The following MAD1L1 variants were observed in gnomAD, a reference collection of about 807,000 sequenced individuals.
MAD1L1 encodes mitotic arrest deficient 1 like 1.
Under a neutral mutation model 96.9 loss-of-function variants are expected in MAD1L1, and 95 were observed. The observed-to-expected ratio is 0.98, with a 90% CI of 0.83 to 1.16. MAD1L1 has a LOEUF of 1.16. Ranked by LOEUF, MAD1L1 falls within the 50% of genes most tolerant of loss-of-function variation. MAD1L1 has a pLI of 0.00. For synonymous variants in MAD1L1, 473 were observed against 396.6 expected (o/e 1.19, Z -2.29); for missense variants, 1,007 against 954.4 (o/e 1.06, Z -0.73).
At chr7:1,831,210 A>C (rs985315381) in intron 18 of MAD1L1, among the ~76,000 whole-genome samples, 1 of 152,162 alleles carries the variant, frequency 6.6e-6, no homozygotes, top group East Asian at 1.9e-4. Context: ...GATTCACTTC[A>C]TGTCTGTGTC....
intron 15 of MAD1L1, among the ~76,000 whole-genome samples, chr7:1,969,506 T>C (rs1780314351): frequency 6.6e-6 from 1 of 152,232 alleles, no homozygotes; most frequent in Admixed American, 6.5e-5. Context: ...GCTGCTTCTA[T>C]TCAACATAGC....
At chr7:2,187,884 T>C (rs918519925) in intron 10 of MAD1L1, among the ~76,000 whole-genome samples, 8 of 152,196 alleles carry the variant, frequency 5.3e-5, no homozygotes, top group African/African-American at 1.9e-4. Flanking sequence ...ACGTTATCAT[T>C]TGAAAGAATA....
chr7:1,997,052 C>T (rs1781591879), intron 14 of MAD1L1, among the ~76,000 whole-genome samples: 1 of 152,156 alleles, frequency 6.6e-6, no homozygotes, highest in South Asian at 2.1e-4. Flanking sequence ...GAAATCTCTC[C>T]TTGCGATATT....
chr7:2,213,576 G>T (rs922550184), intron 9 of MAD1L1, among the ~76,000 whole-genome samples: 1 of 152,206 alleles, frequency 6.6e-6, no homozygotes, highest in Admixed American at 6.5e-5. Flanking sequence ...GCCTCAGAAA[G>T]GATCCTGGGG....
At chr7:2,029,329 G>C (rs1783115545) in intron 12 of MAD1L1, among the ~76,000 whole-genome samples, 2 of 152,190 alleles carry the variant, frequency 1.3e-5, no homozygotes, top group Admixed American at 6.5e-5. Flanking sequence ...ATTACACGCT[G>C]CATGGCTCCA....
intron 10 of MAD1L1, among the ~76,000 whole-genome samples, chr7:2,160,846 A>C (rs1413872348): frequency 1.3e-5 from 2 of 152,222 alleles, no homozygotes; most frequent in Non-Finnish European, 2.9e-5. Flanking sequence ...CTGTTCAATA[A>C]GTAATTTTCA....
chr7:1,965,300 A>G (rs1780116871), intron 15 of MAD1L1, among the ~76,000 whole-genome samples: 2 of 152,168 alleles, frequency 1.3e-5, no homozygotes, highest in South Asian at 2.1e-4. Flanking sequence ...CTTGTTTGTC[A>G]TAAAGAGAGC....
chr7:2,043,247 C>T (rs1256568576), intron 12 of MAD1L1, among the ~76,000 whole-genome samples: 2 of 152,178 alleles, frequency 1.3e-5, no homozygotes, highest in Non-Finnish European at 2.9e-5. Flanking sequence ...CCTGTCCCAT[C>T]GGAGGGGCAC....
intron 11 of MAD1L1, among the ~76,000 whole-genome samples, chr7:2,080,941 A>G (rs752082664): frequency 3.0e-4 from 45 of 152,200 alleles, no homozygotes; most frequent in Admixed American, 9.8e-4. Context: ...ACTTTGTGAC[A>G]TTATATCTTG....
At chr7:1,883,556 AG>A (rs1785819693) in intron 18 of MAD1L1, among the ~76,000 whole-genome samples, 1 of 152,180 alleles carries the variant, frequency 6.6e-6, no homozygotes, top group African/African-American at 2.4e-5. Context: ...CGCTGACTTC[AG>A]CTTCAGCACC....
Position 1,897,244 on chromosome 7 carries a change from A to G in MAD1L1, c.1998+956T>C, listed in dbSNP as rs372251548. On this transcript the variant is annotated intron_variant, in intron 18 of 18. Transcript: ENST00000265854. The stretch of plus-strand genomic sequence containing the variant: ...GTAGGCCGCACTGGGTACAGCTTTT[A>G]TACAAATCAAAGTTGGTTCTCGGTT... Among the ~76,000 whole-genome samples, 61 of 131,544 alleles carry G rather than the reference A, an allele frequency of 4.6e-4. 1 individual carries two copies. The South Asian group carries it at 0.015, about 33-fold the overall frequency. The allele number at this position is 131,544 out of a possible 152,430, so 86.3% of individuals were successfully genotyped here.
At chr7:2,145,274 G>A (rs889309854) in intron 11 of MAD1L1, among the ~76,000 whole-genome samples, 1 of 152,252 alleles carries the variant, frequency 6.6e-6, no homozygotes, top group African/African-American at 2.4e-5. Flanking sequence ...TTCCAGTGCA[G>A]CACCTGAGCA....
chr7:2,071,463 A>G (rs1161716686), intron 11 of MAD1L1, among the ~76,000 whole-genome samples: 2 of 152,244 alleles, frequency 1.3e-5, no homozygotes, highest in Non-Finnish European at 2.9e-5. Context: ...TCGTCAACCC[A>G]TCTACCAGAA....
intron 11 of MAD1L1, among the ~76,000 whole-genome samples, chr7:2,126,679 T>A (rs1012653738): frequency 2.6e-5 from 4 of 152,184 alleles, no homozygotes; most frequent in African/African-American, 9.7e-5. Flanking sequence ...GGGACCGGCC[T>A]CTTCTGTCAC....
chr7:1,960,202 TAAAAC>T (rs1779895718), intron 15 of MAD1L1, among the ~76,000 whole-genome samples: 3 of 75,984 alleles, frequency 3.9e-5, no homozygotes, highest in Non-Finnish European at 8.5e-5. Flanking sequence ...AAAAAGGAAA[TAAAAC>T]AAAATCAGAA....
chr7:2,056,206 A>T (rs1784382361), intron 12 of MAD1L1, among the ~76,000 whole-genome samples: 1 of 152,246 alleles, frequency 6.6e-6, no homozygotes, highest in Admixed American at 6.5e-5. Context: ...CACAGCAGGT[A>T]CTGGGTGTTA....
At chr7:2,165,034 C>CA (rs1200916194) in intron 10 of MAD1L1, among the ~76,000 whole-genome samples, 2 of 151,976 alleles carry the variant, frequency 1.3e-5, no homozygotes, top group African/African-American at 4.8e-5. Context: ...TTCAACGAAA[C>CA]AAAAGGTGGG....
At chr7:2,104,456 C>T (rs546752544) in intron 11 of MAD1L1, among the ~76,000 whole-genome samples, 20 of 152,222 alleles carry the variant, frequency 1.3e-4, no homozygotes, top group Non-Finnish European at 2.5e-4. Flanking sequence ...ATGTCAAACA[C>T]GCTGGTGCCT....
At chr7:1,903,605 G>A (rs1400224224) in intron 17 of MAD1L1, among the ~76,000 whole-genome samples, 3 of 142,982 alleles carry the variant, frequency 2.1e-5, no homozygotes. Flanking sequence ...GTGGCCTATT[G>A]AAGAAGCTCT....
Sources: allele counts gnomAD v4.1 joint callset (sites outside exome capture counted in the v4.1 genomes callset), GRCh38; gene constraint gnomAD v4.1.1; transcripts MANE v1.5; gene names NCBI Gene and HGNC (gene_info 2026-07-23, HGNC 2026-07-21).